Variants in TMC5 observed in about 807,000 individuals in gnomAD.
TMC5 encodes transmembrane channel-like protein 5.
In TMC5, 86 loss-of-function variants were observed where a neutral mutation model predicts 110.5. The ratio of observed to expected loss-of-function variants is 0.78; its 90% CI spans 0.65 to 0.93. TMC5 has a LOEUF of 0.93. Among genes scored for constraint, TMC5 ranks in the 40% least tolerant of loss-of-function variants. The pLI is 0.00. For missense variants in TMC5, 1,144 were observed against 1,222.8 expected (o/e 0.94, Z 0.96); for synonymous variants, 455 against 439.5 (o/e 1.04, Z -0.44).
chr16:19,463,293 A>G lies in TMC5; in HGVS notation c.1162A>G (p.Lys388Glu). 1 of 1,613,878 alleles carries G rather than the reference A, an allele frequency of 6.2e-7. No individual in the cohort carries two copies. Among genetic ancestry groups the G allele is most frequent in the South Asian group, 1.1e-5 (1 of 91,074 alleles). Residue 388 changes from lysine (K) to glutamate (E), a missense_variant, in exon 7 of 22, where the codon AAA becomes GAA. Physicochemically the swap from Lys to Glu is moderately conservative, Grantham distance 56. Coordinates refer to ENST00000542583, the MANE Select transcript of TMC5 (RefSeq NM_001261841.2). ...TGTTCCCTACAGGAAAATAGTTGAC[A>G]AAGAAAAAAGCAAACAGACCCATCG... The part of the protein sequence containing the change: ...EKRNLRKIVD[K>E]EKSKQTHRIL...
At chr16:19,421,603 T>C (rs1966983787) in intron 1 of TMC5, among the ~76,000 whole-genome samples, 1 of 152,226 alleles carries the variant, frequency 6.6e-6, no homozygotes, top group Non-Finnish European at 1.5e-5. Flanking sequence ...ACTTGATTAC[T>C]GGGATTTTTG....
intron 9 of TMC5, among the ~76,000 whole-genome samples, 173 bp from the exon 10 acceptor site, chr16:19,469,508 C>G (rs1365663259): frequency 2.0e-5 from 3 of 152,220 alleles, no homozygotes; most frequent in Non-Finnish European, 2.9e-5. Flanking sequence ...AGCCCCAAAA[C>G]CAGTGCTTGT....
chr16:19,420,975 A>G (rs1245626065), intron 1 of TMC5, among the ~76,000 whole-genome samples: 1 of 152,078 alleles, frequency 6.6e-6, no homozygotes, highest in Non-Finnish European at 1.5e-5. Flanking sequence ...ACTTAAAATG[A>G]GAGGAGGTGA....
chr16:19,427,615 C>G (rs553477790), intron 1 of TMC5, among the ~76,000 whole-genome samples: 1 of 152,170 alleles, frequency 6.6e-6, no homozygotes, highest in African/African-American at 2.4e-5. Flanking sequence ...CAGCCTTGCC[C>G]TAGATCAAGT....
chr16:19,460,156 T>C, intron 5 of TMC5, 79 bp from the exon 6 acceptor site: 1 of 1,108,254 alleles, frequency 9.0e-7, no homozygotes, highest in Non-Finnish European at 1.3e-6. Context: ...TGTTACGTGC[T>C]CTGACTTCAG....
At chr16:19,442,514 A>G (rs1230385834) in intron 3 of TMC5, among the ~76,000 whole-genome samples, 2 of 152,036 alleles carry the variant, frequency 1.3e-5, no homozygotes, top group East Asian at 1.9e-4. Flanking sequence ...GTTTTAGTAC[A>G]GACAGGGTTT....
intron 20 of TMC5, among the ~76,000 whole-genome samples, chr16:19,496,880 A>C: frequency 2.5e-5 from 3 of 121,136 alleles, no homozygotes; most frequent in East Asian, 2.5e-4. Flanking sequence ...ATAAAGCAAG[A>C]CTCTGTCAAA....
At chr16:19,432,873 T>C (rs1049115658) in intron 2 of TMC5, among the ~76,000 whole-genome samples, 1 of 152,204 alleles carries the variant, frequency 6.6e-6, no homozygotes, top group Non-Finnish European at 1.5e-5. Context: ...ATCTAATCTA[T>C]GTGTGTTTTT....
chr16:19,433,182 A>G (rs1967230150), intron 2 of TMC5, among the ~76,000 whole-genome samples: 2 of 152,340 alleles, frequency 1.3e-5, no homozygotes, highest in South Asian at 4.1e-4. Flanking sequence ...CTTAAAACAT[A>G]AAGGTTTGTT....
intron 2 of TMC5, among the ~76,000 whole-genome samples, chr16:19,432,985 C>G (rs980058422): frequency 1.3e-5 from 2 of 151,454 alleles, no homozygotes; most frequent in South Asian, 4.2e-4. Context: ...GTATGGATAT[C>G]TTTGTGTGTA....
chr16:19,497,987 C>A lies in TMC5; in HGVS notation c.*21C>A. The A allele has an allele frequency of 6.2e-7, 1 of 1,610,772 alleles. No individual in the cohort carries two copies. The highest frequency in any genetic ancestry group is 8.5e-7 in the Non-Finnish European group (1 of 1,177,050). ...CCTGATGACTCTTTTGGTAACCAGA[C>A]ACCAATCAAATAAGGGGAGGAGACG... On this transcript the variant is annotated 3_prime_UTR_variant, in exon 22 of 22. Coordinates refer to ENST00000542583, the MANE Select transcript of TMC5 (RefSeq NM_001261841.2).
In TMC5 at chr16:19,472,312, G is replaced by GTGT. The variant is rs1216400258; in HGVS notation, c.1938+70_1938+72dup. On this transcript the variant is annotated intron_variant, in intron 11 of 21. Transcript: ENST00000542583. Reference sequence around the variant, plus strand: ...GATGAGATGCTGGAGGGGAAGGGTGGTGTGCAGCCTACGGTTCAACCCAGG... The same window carrying GTGT: ...GATGAGATGCTGGAGGGGAAGGGTGGTGTTGTGCAGCCTACGGTTCAACCCAGG... The GTGT allele has an allele frequency of 1.4e-5, 22 of 1,565,314 alleles. No individual in the cohort carries two copies. In the East Asian group the frequency reaches 1.8e-4, roughly 13 times the overall value.
chr16:19,459,136 C>A (rs1354727391), intron 5 of TMC5, among the ~76,000 whole-genome samples: 2 of 151,780 alleles, frequency 1.3e-5, no homozygotes, highest in African/African-American at 4.8e-5. Flanking sequence ...GTGTCACATG[C>A]CTGTGCTTAA....
rs538081921 is a variant in TMC5, at chr16:19,489,232, C to T, written c.2574-1163C>T. Among the ~76,000 whole-genome samples the T allele has an allele frequency of 5.3e-5, 8 of 152,350 alleles. No individual in the cohort carries two copies. In the East Asian group the frequency reaches 5.8e-4, roughly 11 times the overall value. ...TGCCACCCAGGCAGGAATGCAGGGG[C>T]GCAATCACAGCTCAAACTCCTGGGC... On this transcript the variant is annotated intron_variant, in intron 17 of 21. Coordinates refer to ENST00000542583, the MANE Select transcript of TMC5 (RefSeq NM_001261841.2).
chr16:19,496,839 G>C (rs113007109), intron 20 of TMC5, among the ~76,000 whole-genome samples: 1 of 142,848 alleles, frequency 7.0e-6, no homozygotes, highest in Non-Finnish European at 1.5e-5. Flanking sequence ...GCAGTGAGCC[G>C]AGATCATGCC....
At chr16:19,486,782 G>C (rs12927099) in intron 15 of TMC5, 163 bp from the exon 16 acceptor site, 70,352 of 628,558 alleles carry the variant, frequency 0.11, 6,160 homozygotes, top group East Asian at 0.38. Context: ...TCCAAATACA[G>C]TCACATTCTG....
At chr16:19,424,736 G>A (rs1967056046) in intron 1 of TMC5, among the ~76,000 whole-genome samples, 1 of 152,200 alleles carries the variant, frequency 6.6e-6, no homozygotes, top group Admixed American at 6.5e-5. Context: ...CCAAGTTCAG[G>A]AGCTTCTGTC....
intron 15 of TMC5, among the ~76,000 whole-genome samples, chr16:19,484,402 A>T (rs1046998533): frequency 1.3e-5 from 2 of 152,216 alleles, no homozygotes; most frequent in African/African-American, 2.4e-5. Flanking sequence ...TGGGCAAGTT[A>T]CTTAAACTCT....
At position 19,481,360 on chromosome 16, in the gene TMC5, G is replaced by A. The variant is rs1367925208; in HGVS notation, c.2268-10G>A. On this transcript the variant is annotated splice_polypyrimidine_tract_variant and intron_variant, in intron 14 of 21. Transcript: ENST00000542583. Reference sequence around the variant, plus strand: ...ATGGTTTGGGTACTAAACTCAGTATGTTTTCACAGAATCATTGGGATGCAA... The same window carrying A: ...ATGGTTTGGGTACTAAACTCAGTATATTTTCACAGAATCATTGGGATGCAA... The A allele has an allele frequency of 1.9e-6, 3 of 1,604,616 alleles. No individual in the cohort carries two copies. Among genetic ancestry groups the A allele is most frequent in the Non-Finnish European group, 8.5e-7 (1 of 1,171,354 alleles).
Sources: allele counts gnomAD v4.1 joint callset (sites outside exome capture counted in the v4.1 genomes callset), GRCh38; gene constraint gnomAD v4.1.1; transcripts MANE v1.5; gene names NCBI Gene and HGNC (gene_info 2026-07-23, HGNC 2026-07-21).